Variants in ARHGAP6 observed in about 807,000 individuals in gnomAD.
ARHGAP6 encodes Rho GTPase activating protein 6.
Under a neutral mutation model 55.7 loss-of-function variants are expected in ARHGAP6, and 16 were observed. That is an observed-to-expected ratio of 0.29 (90% CI 0.19 to 0.44). ARHGAP6 has a LOEUF of 0.44. Ranked by LOEUF, ARHGAP6 falls within the 20% of genes least tolerant of loss-of-function variation. The pLI is 1.00. For synonymous variants in ARHGAP6, 382 were observed against 360.9 expected (o/e 1.06, Z -0.66); for missense variants, 698 against 808.9 (o/e 0.86, Z 1.66).
At chrX:11,513,475 A>G (rs5935093) in intron 1 of ARHGAP6, among the ~76,000 whole-genome samples, 2,266 of 111,904 alleles carry the variant, frequency 0.02, 27 homozygotes, top group Middle Eastern at 0.065. Flanking sequence ...AAGACTTGCC[A>G]TTGTTGACTT....
chrX:11,346,081 G>A (rs770148252), intron 1 of ARHGAP6, among the ~76,000 whole-genome samples: 16 of 110,341 alleles, frequency 1.5e-4, no homozygotes, highest in East Asian at 5.7e-4. Context: ...GATTACAGGC[G>A]TGCACCACCA....
chrX:11,380,900 C>A (rs758160480), intron 1 of ARHGAP6, among the ~76,000 whole-genome samples: 1 of 112,257 alleles, frequency 8.9e-6, no homozygotes, highest in East Asian at 2.8e-4. Context: ...TCAAATCACC[C>A]CCATTGAGAA....
At chrX:11,516,632 T>C (rs1292557171) in intron 1 of ARHGAP6, among the ~76,000 whole-genome samples, 2 of 112,412 alleles carry the variant, frequency 1.8e-5, no homozygotes, top group Non-Finnish European at 3.7e-5. Flanking sequence ...ATACTCAACA[T>C]AGGTCCTCAT....
At chrX:11,481,322 C>A (rs2050454611) in intron 1 of ARHGAP6, among the ~76,000 whole-genome samples, 1 of 111,968 alleles carries the variant, frequency 8.9e-6, no homozygotes, top group South Asian at 3.7e-4. Flanking sequence ...GCACGCACAC[C>A]CACATATAAT....
chrX:11,464,209 A>C (rs1040369705), intron 1 of ARHGAP6, among the ~76,000 whole-genome samples: 1 of 112,165 alleles, frequency 8.9e-6, no homozygotes, highest in Non-Finnish European at 1.9e-5. Context: ...CTTTCTCCAA[A>C]AAAGGAATAT....
intron 8 of ARHGAP6, among the ~76,000 whole-genome samples, chrX:11,174,582 CTTTCTTTCTTTTT>C (rs1569241274): frequency 3.4e-5 from 3 of 88,221 alleles, no homozygotes; most frequent in Non-Finnish European, 6.8e-5. Context: ...TCCTTTCTTT[CTTTCTTTCTTTTT>C]CTTTCTTTCT....
intron 1 of ARHGAP6, among the ~76,000 whole-genome samples, chrX:11,566,629 C>T (rs2051444637): frequency 8.9e-6 from 1 of 111,885 alleles, no homozygotes; most frequent in African/African-American, 3.3e-5. Context: ...GGTTTGTGAG[C>T]ATTAAATGAA....
At chrX:11,643,843 T>C (rs892870788) in intron 1 of ARHGAP6, among the ~76,000 whole-genome samples, 1 of 111,271 alleles carries the variant, frequency 9.0e-6, no homozygotes, top group African/African-American at 3.3e-5. Flanking sequence ...AGTACAAATC[T>C]GAGCTAGCCT....
intron 1 of ARHGAP6, among the ~76,000 whole-genome samples, chrX:11,589,624 T>TGTTTA (rs1364851921): frequency 9.1e-6 from 1 of 110,378 alleles, no homozygotes; most frequent in Non-Finnish European, 1.9e-5. Flanking sequence ...GGAAAAAAGG[T>TGTTTA]GTTTAGTTAC....
intron 1 of ARHGAP6, among the ~76,000 whole-genome samples, chrX:11,545,526 C>A (rs751240735): frequency 8.9e-6 from 1 of 112,193 alleles, no homozygotes; most frequent in African/African-American, 3.2e-5. Context: ...ACTCTCAGAT[C>A]ACAAAACAGA....
rs1160731443 is a variant in ARHGAP6, at chrX:11,520,131, TTATATATATATATATATA to T, written c.588+144092_588+144109del. ...TTCTTTAACAGTTAGAGAATTGATT[TTATATATATATATATATA>T]TATATATATATATATATATATATAT... On this transcript the variant is annotated intron_variant, in intron 1 of 12. Coordinates refer to ENST00000337414, the MANE Select transcript of ARHGAP6 (RefSeq NM_013427.3). Among the ~76,000 whole-genome samples, 92 of 18,265 alleles carry T rather than the reference TTATATATATATATATATA, an allele frequency of 5.0e-3. 1 individual carries two copies. The highest frequency in any genetic ancestry group is 0.013 in the South Asian group (3 of 238). 15.9% of individuals were successfully genotyped at this position (18,265 alleles called of 115,157 possible).
At chrX:11,276,649 G>A (rs913261177) in intron 1 of ARHGAP6, among the ~76,000 whole-genome samples, 2 of 111,651 alleles carry the variant, frequency 1.8e-5, no homozygotes, top group African/African-American at 6.5e-5. Flanking sequence ...CAAGCCATCT[G>A]CACTTACTGG....
At chrX:11,277,903 G>C (rs2047799554) in intron 1 of ARHGAP6, among the ~76,000 whole-genome samples, 1 of 111,663 alleles carries the variant, frequency 9.0e-6, no homozygotes, top group Non-Finnish European at 1.9e-5. Flanking sequence ...AAGCTAAAAA[G>C]AATGCTACAC....
In ARHGAP6 at chrX:11,664,505, G is replaced by A; in HGVS notation, c.324C>T (p.Thr108=). The change falls in exon 1 of 13, where the codon ACC becomes ACT. Residue 108 remains threonine, a synonymous_variant. Coordinates refer to ENST00000337414, the MANE Select transcript of ARHGAP6 (RefSeq NM_013427.3). ...TGCCGGATGGTGACTTCTCCTGCGG[G>A]GTGCTGGGTGTGGAGAAGGACGAGC... ...PLCSSFSTPS[T]PQEKSPSGSF... is the part of the protein sequence containing the mutation. 1 of 1,206,753 alleles carries A rather than the reference G, an allele frequency of 8.3e-7. No individual in the cohort carries two copies. The highest frequency in any genetic ancestry group is 1.1e-6 in the Non-Finnish European group (1 of 892,752).
rs1291941860 is a variant in ARHGAP6 at position 11,665,893 on chromosome X, C to T, written c.-1065G>A. Among the ~76,000 whole-genome samples, 1 of 111,839 alleles carries T rather than the reference C, an allele frequency of 8.9e-6. No homozygotes were observed. Among genetic ancestry groups the T allele is most frequent in the Admixed American group, 9.4e-5 (1 of 10,689 alleles). On this transcript the variant is annotated 5_prime_UTR_variant, in exon 1 of 13. Coordinates refer to ENST00000337414, the MANE Select transcript of ARHGAP6 (RefSeq NM_013427.3). ...CAAGCGGCGAGGAGAGAAGGCAGCT[C>T]GCCACTGATACCGGGTCTCCTGGGG...
chrX:11,230,290 C>T (rs771544088), intron 2 of ARHGAP6, among the ~76,000 whole-genome samples: 1 of 111,533 alleles, frequency 9.0e-6, no homozygotes, highest in Admixed American at 9.5e-5. Flanking sequence ...CTCTGTCTCC[C>T]GAGTTCAAGC....
At chrX:11,330,900 G>A (rs1208978617) in intron 1 of ARHGAP6, among the ~76,000 whole-genome samples, 3 of 111,800 alleles carry the variant, frequency 2.7e-5, no homozygotes, top group South Asian at 3.8e-4. Context: ...CCTGGCACAT[G>A]TTCAGCATGT....
chrX:11,467,617 T>C (rs1352816553), intron 1 of ARHGAP6, among the ~76,000 whole-genome samples: 2 of 111,495 alleles, frequency 1.8e-5, no homozygotes, highest in African/African-American at 3.3e-5. Flanking sequence ...AACTCACAAA[T>C]ATAACGATAA....
chrX:11,308,331 C>G (rs2048259003), intron 1 of ARHGAP6, among the ~76,000 whole-genome samples: 1 of 111,326 alleles, frequency 9.0e-6, no homozygotes, highest in Non-Finnish European at 1.9e-5. Flanking sequence ...AAGGTTCTTT[C>G]TATGAAATCA....
Sources: allele counts gnomAD v4.1 joint callset (sites outside exome capture counted in the v4.1 genomes callset), GRCh38; gene constraint gnomAD v4.1.1; transcripts MANE v1.5; gene names NCBI Gene and HGNC (gene_info 2026-07-23, HGNC 2026-07-21).